Variants in VWA8 observed in about 807,000 individuals in gnomAD.
The protein encoded by VWA8 is von Willebrand factor A domain containing 8, also known as von Willebrand factor A domain-containing protein 8.
Under a neutral mutation model 241.5 loss-of-function variants are expected in VWA8, and 221 were observed. That is an observed-to-expected ratio of 0.91 (90% CI 0.82 to 1.02). VWA8 has a LOEUF of 1.02. VWA8 is among the 50% of genes least tolerant of loss of function. The probability of loss-of-function intolerance (pLI) is 0.00; values close to 1 mark genes in which losing one functional copy is unlikely to be tolerated. For missense variants in VWA8, 2,322 were observed against 2,328.7 expected (o/e 1.00, Z 0.06); for synonymous variants, 852 against 827.1 (o/e 1.03, Z -0.52).
intron 28 of VWA8, among the ~76,000 whole-genome samples, chr13:41,700,725 TAGC>T (rs2045243844): frequency 1.3e-5 from 2 of 152,374 alleles, no homozygotes; most frequent in South Asian, 2.1e-4. Flanking sequence ...TTATTTAAAA[TAGC>T]AGATTTGTGG....
intron 5 of VWA8, among the ~76,000 whole-genome samples, chr13:41,889,473 G>A (rs983288431): frequency 6.6e-6 from 1 of 151,788 alleles, no homozygotes; most frequent in African/African-American, 2.4e-5. Context: ...CAGCCTCCTG[G>A]GTTCAAGCGA....
chr13:41,935,071 C>T (rs947244393), intron 2 of VWA8, among the ~76,000 whole-genome samples: 3 of 151,924 alleles, frequency 2.0e-5, no homozygotes, highest in Non-Finnish European at 4.4e-5. Context: ...ATTTATACTT[C>T]TTATGTTTTG....
intron 24 of VWA8, among the ~76,000 whole-genome samples, chr13:41,725,211 TG>T (rs958602248): frequency 3.3e-5 from 5 of 151,404 alleles, no homozygotes; most frequent in African/African-American, 1.2e-4. Context: ...AAAAAAAGGC[TG>T]GGTAAAGGAG....
intron 13 of VWA8, 33 bp downstream of exon 13, chr13:41,833,338 T>C (rs1224227333): frequency 1.9e-6 from 3 of 1,576,072 alleles, no homozygotes; most frequent in South Asian, 1.2e-5. Flanking sequence ...GTGGGGTGTG[T>C]GTCTGTGTGT....
At position 41,699,266 on chromosome 13, in the gene VWA8, A is replaced by AT. The variant is rs1241628210; in HGVS notation, c.3368dup (p.Asn1123LysfsTer2). 1 of 1,613,950 alleles carries AT rather than the reference A, an allele frequency of 6.2e-7. No individual in the cohort carries two copies. The highest frequency in any genetic ancestry group is 8.5e-7 in the Non-Finnish European group (1 of 1,179,882). On this transcript the variant is annotated frameshift_variant, in exon 29 of 45. Transcript: ENST00000379310. LOFTEE classifies it high-confidence loss of function. ...TAACTACATAGAGAGTATTTTGCTC[A>AT]TTTTCTGAAATGACAAAAAGGTGTT...
chr13:41,834,016 A>C (rs909239389), intron 12 of VWA8, among the ~76,000 whole-genome samples: 2 of 152,226 alleles, frequency 1.3e-5, no homozygotes, highest in African/African-American at 4.8e-5. Flanking sequence ...AGTTTTCCTG[A>C]AAAGCTATGC....
At chr13:41,609,672 AC>A (rs1004411948) in intron 39 of VWA8, among the ~76,000 whole-genome samples, 1 of 152,150 alleles carries the variant, frequency 6.6e-6, no homozygotes, top group African/African-American at 2.4e-5. Context: ...GTAGAAAGCA[AC>A]ATCTTTCTCT....
At chr13:41,769,165 C>G (rs2045800875) in intron 20 of VWA8, among the ~76,000 whole-genome samples, 1 of 152,208 alleles carries the variant, frequency 6.6e-6, no homozygotes, top group African/African-American at 2.4e-5. Context: ...CCTCGGACTC[C>G]CGAAGTGCTG....
At chr13:41,779,093 G>A (rs374801629) in intron 19 of VWA8, among the ~76,000 whole-genome samples, 24 of 150,130 alleles carry the variant, frequency 1.6e-4, no homozygotes, top group Admixed American at 7.9e-4. Flanking sequence ...TGCCTGCCTC[G>A]GCCTCCCAAA....
chr13:41,703,862 C>CT (rs2137829997), intron 26 of VWA8, among the ~76,000 whole-genome samples: 1 of 151,246 alleles, frequency 6.6e-6, no homozygotes, highest in South Asian at 2.1e-4. Flanking sequence ...ACCACAACCT[C>CT]TGCCTCCTGG....
At chr13:41,578,574 T>C (rs1388461758) in intron 42 of VWA8, among the ~76,000 whole-genome samples, 1 of 152,204 alleles carries the variant, frequency 6.6e-6, no homozygotes, top group Non-Finnish European at 1.5e-5. Flanking sequence ...TTCATTTCCA[T>C]TTGCTAACTC....
At chr13:41,600,540 C>T (rs928949196) in intron 40 of VWA8, among the ~76,000 whole-genome samples, 1 of 152,040 alleles carries the variant, frequency 6.6e-6, no homozygotes, top group Non-Finnish European at 1.5e-5. Context: ...TTGGGCTGTC[C>T]CTCTATTCAG....
At chr13:41,811,447 A>T in intron 16 of VWA8, 107 bp from the exon 17 acceptor site, 1 of 686,260 alleles carries the variant, frequency 1.5e-6, no homozygotes, top group South Asian at 3.2e-5. Context: ...GGTAAGGCCA[A>T]ACTTAAAGTA....
chr13:41,617,596 C>T lies in VWA8; in HGVS notation c.4612-2512G>A, dbSNP rs71427486. ...TGTTGGTTTGCTGCAGTCATTAATT[C>T]GTCATTTACATTAGGTATTTCTCCT... On this transcript the variant is annotated intron_variant, in intron 37 of 44. Transcript: ENST00000379310. Among the ~76,000 whole-genome samples the T allele has an allele frequency of 3.9e-3, 588 of 152,108 alleles. 1 individual carries two copies. The highest frequency in any genetic ancestry group is 0.015 in the South Asian group (74 of 4,810).
chr13:41,938,761 C>T (rs905888323), intron 2 of VWA8, among the ~76,000 whole-genome samples: 3 of 143,050 alleles, frequency 2.1e-5, no homozygotes, highest in Non-Finnish European at 4.7e-5. Context: ...GGCAGCCCTG[C>T]ATCTTTGATT....
chr13:41,741,070 T>G (rs1477782835), intron 21 of VWA8, among the ~76,000 whole-genome samples: 1 of 152,164 alleles, frequency 6.6e-6, no homozygotes, highest in Non-Finnish European at 1.5e-5. Flanking sequence ...CACATAACAC[T>G]TATCACTATT....
chr13:41,615,069 C>T lies in VWA8; in HGVS notation c.4627G>A (p.Asp1543Asn). The T allele has an allele frequency of 6.2e-7, 1 of 1,613,858 alleles. No homozygotes were observed. The highest frequency in any genetic ancestry group is 8.5e-7 in the Non-Finnish European group (1 of 1,179,914). Residue 1543 changes from aspartate to asparagine, a missense_variant, in exon 38 of 45, where the codon GAC (aspartate) becomes AAC (asparagine). Coordinates refer to ENST00000379310, the MANE Select transcript of VWA8 (RefSeq NM_015058.2). ...GGGGAGCTTACATCTTCACCACTGT[C>T]TCTGTTGATTGTTATCTAAAAATGA... ...DRNMQITINRDSGEDVSSPKH... is the reference protein window; with the variant it reads ...DRNMQITINRNSGEDVSSPKH...
At chr13:41,851,030 T>G (rs1872511794) in intron 12 of VWA8, among the ~76,000 whole-genome samples, 1 of 152,218 alleles carries the variant, frequency 6.6e-6, no homozygotes, top group Non-Finnish European at 1.5e-5. Context: ...GGTAAGAACA[T>G]TTCAGGTCTA....
intron 37 of VWA8, among the ~76,000 whole-genome samples, chr13:41,634,708 G>GAA (rs34688799): frequency 2.8e-5 from 4 of 144,724 alleles, no homozygotes; most frequent in Non-Finnish European, 4.6e-5. Flanking sequence ...TCTTCAAAGT[G>GAA]AAAAAAAAAA....
Sources: gnomAD v4.1 joint callset for allele counts (sites outside exome capture counted in the v4.1 genomes callset) on GRCh38, gnomAD v4.1.1 for gene constraint, MANE v1.5 for transcripts, NCBI Gene and HGNC (gene_info 2026-07-23, HGNC 2026-07-21) for gene names.